The following EXOC6B variants were observed in gnomAD, a reference collection of about 807,000 sequenced individuals.
EXOC6B encodes the protein SEC15 homolog B.
EXOC6B carries 54 observed loss-of-function variants against 113.5 expected under a neutral mutation model. The ratio of observed to expected loss-of-function variants is 0.48; its 90% confidence interval spans 0.38 to 0.60. The LOEUF (loss-of-function observed/expected upper bound fraction) is 0.60, where lower values mean the gene tolerates loss of function less well. EXOC6B is among the 20% of genes least tolerant of loss of function. The pLI is 0.00. For synonymous variants in EXOC6B, 357 were observed against 339.0 expected (o/e 1.05, Z -0.58); for missense variants, 797 against 977.5 (o/e 0.82, Z 2.46).
At chr2:72,364,001 T>C (rs1690466099) in intron 19 of EXOC6B, among the ~76,000 whole-genome samples, 1 of 152,100 alleles carries the variant, frequency 6.6e-6, no homozygotes, top group South Asian at 2.1e-4. Context: ...TCACATTTCA[T>C]CTTGTCCAGA....
At chr2:72,272,795 T>C (rs368042710) in intron 20 of EXOC6B, among the ~76,000 whole-genome samples, 1 of 152,166 alleles carries the variant, frequency 6.6e-6, no homozygotes, top group East Asian at 1.9e-4. Context: ...TTTGTGCTAA[T>C]TTATGGTAGA....
chr2:72,400,670 CAAA>C (rs968202360), intron 18 of EXOC6B, among the ~76,000 whole-genome samples: 1 of 114,674 alleles, frequency 8.7e-6, no homozygotes, highest in African/African-American at 3.1e-5. Flanking sequence ...CATACGCAGC[CAAA>C]AAAAAAAAAG....
chr2:72,292,535 TTGTGTGTGTGTGTG>T (rs142332997), intron 20 of EXOC6B, among the ~76,000 whole-genome samples: 1 of 134,056 alleles, frequency 7.5e-6, no homozygotes. Flanking sequence ...CATGCACGCT[TTGTGTGTGTGTGTG>T]TGTGTGTGTG....
At chr2:72,617,074 G>A (rs1671422976) in intron 6 of EXOC6B, among the ~76,000 whole-genome samples, 1 of 152,142 alleles carries the variant, frequency 6.6e-6, no homozygotes, top group Non-Finnish European at 1.5e-5. Context: ...AAATCCAGTG[G>A]GGCAGTCAAA....
intron 12 of EXOC6B, 71 bp from the exon 13 acceptor site, chr2:72,498,622 G>A: frequency 1.2e-6 from 1 of 853,558 alleles, no homozygotes; most frequent in South Asian, 1.8e-5. Context: ...TTTTTTTTTG[G>A]CAAAATGAGA....
chr2:72,406,414 C>T (rs918518393), intron 18 of EXOC6B, among the ~76,000 whole-genome samples: 19 of 152,216 alleles, frequency 1.2e-4, no homozygotes, highest in African/African-American at 4.3e-4. Context: ...TTTTCAGCAC[C>T]ACACCACACC....
chr2:72,465,699 C>T (rs910609730), intron 17 of EXOC6B, among the ~76,000 whole-genome samples: 2 of 152,174 alleles, frequency 1.3e-5, no homozygotes, highest in African/African-American at 4.8e-5. Context: ...TCATACATTA[C>T]TCCACAACAA....
chr2:72,736,893 G>T (rs1305591537), intron 2 of EXOC6B, among the ~76,000 whole-genome samples: 1 of 151,948 alleles, frequency 6.6e-6, no homozygotes, highest in Non-Finnish European at 1.5e-5. Context: ...GGCTAGGTGA[G>T]GACAAATAGC....
At chr2:72,792,125 T>C (rs1053969283) in intron 1 of EXOC6B, among the ~76,000 whole-genome samples, 5 of 152,254 alleles carry the variant, frequency 3.3e-5, no homozygotes, top group African/African-American at 1.2e-4. Flanking sequence ...AGCTAATTAC[T>C]TCTAAGAGCA....
chr2:72,369,403 G>A (rs1253036585), intron 19 of EXOC6B, among the ~76,000 whole-genome samples: 1 of 152,160 alleles, frequency 6.6e-6, no homozygotes, highest in African/African-American at 2.4e-5. Flanking sequence ...TCATGGGTAG[G>A]AAGAATCAAT....
intron 1 of EXOC6B, among the ~76,000 whole-genome samples, chr2:72,764,495 C>T (rs1321652477): frequency 6.6e-6 from 1 of 150,988 alleles, no homozygotes; most frequent in African/African-American, 2.4e-5. Context: ...CCTCAGCCTC[C>T]AGAGTAGCTG....
chr2:72,235,851 T>G (rs1389464147), intron 20 of EXOC6B, among the ~76,000 whole-genome samples: 1 of 152,164 alleles, frequency 6.6e-6, no homozygotes, highest in Non-Finnish European at 1.5e-5. Context: ...GTACTGCTTT[T>G]TTGGTATTTA....
At chr2:72,602,532 A>G (rs1436925342) in intron 6 of EXOC6B, among the ~76,000 whole-genome samples, 1 of 152,192 alleles carries the variant, frequency 6.6e-6, no homozygotes, top group Non-Finnish European at 1.5e-5. Context: ...TCTTTCAAAT[A>G]TCTGACTGTT....
chr2:72,547,004 G>C (rs542918086), intron 8 of EXOC6B, among the ~76,000 whole-genome samples: 8 of 152,344 alleles, frequency 5.3e-5, no homozygotes, highest in African/African-American at 1.9e-4. Context: ...CTATGGATGA[G>C]ATTCAGGGAA....
intron 20 of EXOC6B, among the ~76,000 whole-genome samples, chr2:72,277,762 G>A (rs1207586691): frequency 1.3e-5 from 2 of 152,046 alleles, no homozygotes; most frequent in Non-Finnish European, 2.9e-5. Context: ...CCAAAGTGCT[G>A]GGATTACAGG....
chr2:72,340,407 G>C (rs540581317), intron 19 of EXOC6B, among the ~76,000 whole-genome samples: 6 of 152,218 alleles, frequency 3.9e-5, no homozygotes, highest in African/African-American at 1.4e-4. Context: ...TTTCAGAAAA[G>C]CAAAACTAGC....
intron 6 of EXOC6B, among the ~76,000 whole-genome samples, chr2:72,615,273 A>T (rs1671313710): frequency 6.6e-6 from 1 of 152,160 alleles, no homozygotes; most frequent in South Asian, 2.1e-4. Context: ...AAATAATTTT[A>T]TATATGAAAT....
At chr2:72,196,995 G>A (rs1262073790) in intron 20 of EXOC6B, among the ~76,000 whole-genome samples, 1 of 152,144 alleles carries the variant, frequency 6.6e-6, no homozygotes, top group Admixed American at 6.5e-5. Flanking sequence ...GTTCCAGTCT[G>A]CCAAAAAGTT....
intron 18 of EXOC6B, among the ~76,000 whole-genome samples, chr2:72,433,168 C>T (rs1288790407): frequency 6.6e-6 from 1 of 152,166 alleles, no homozygotes; most frequent in East Asian, 1.9e-4. Context: ...AATAGGGAAT[C>T]CTTTCCCCAT....
Sources: gnomAD v4.1 joint callset for allele counts (sites outside exome capture counted in the v4.1 genomes callset) on GRCh38, gnomAD v4.1.1 for gene constraint, MANE v1.5 for transcripts, NCBI Gene and HGNC (gene_info 2026-07-23, HGNC 2026-07-21) for gene names.